The following NOL4 variants were observed in gnomAD, a reference collection of about 807,000 sequenced individuals.
NOL4 encodes the protein cancer/testis antigen 125.
A neutral mutation model predicts 75.9 loss-of-function variants in NOL4; 17 were observed. That is an observed-to-expected ratio of 0.22 (90% CI 0.15 to 0.34). The LOEUF is 0.34. NOL4 is among the 10% of genes least tolerant of loss of function. The pLI is 1.00. For missense variants in NOL4, 614 were observed against 793.5 expected, an observed-to-expected ratio of 0.77 and a Z score of 2.72; for synonymous variants, 292 against 289.9, an observed-to-expected ratio of 1.01 and a Z score of -0.07.
At chr18:34,191,553 A>G (rs1042375214) in intron 1 of NOL4, among the ~76,000 whole-genome samples, 2 of 152,066 alleles carry the variant, frequency 1.3e-5, no homozygotes, top group Non-Finnish European at 2.9e-5. Flanking sequence ...TGATAATTCT[A>G]TCTCTCTGTT....
intron 5 of NOL4, among the ~76,000 whole-genome samples, chr18:34,065,909 T>C (rs1638514356): frequency 6.6e-6 from 1 of 151,964 alleles, no homozygotes; most frequent in South Asian, 2.1e-4. Context: ...TTTTGTCTAT[T>C]ATAAAAAGGA....
chr18:34,134,648 A>T (rs1317605433), intron 1 of NOL4, among the ~76,000 whole-genome samples: 1 of 152,166 alleles, frequency 6.6e-6, no homozygotes, highest in Non-Finnish European at 1.5e-5. Context: ...TTAAAAAAAA[A>T]CTAATAGACA....
intron 1 of NOL4, among the ~76,000 whole-genome samples, chr18:34,195,972 A>C (rs73955474): frequency 6.6e-6 from 1 of 152,276 alleles, no homozygotes; most frequent in African/African-American, 2.4e-5. Context: ...TTAACAATTT[A>C]GATAACTGTA....
chr18:33,932,874 C>T (rs960508459), intron 9 of NOL4, among the ~76,000 whole-genome samples: 1 of 152,058 alleles, frequency 6.6e-6, no homozygotes. Context: ...AAACACTTCA[C>T]ATAGTCCCAC....
chr18:33,909,262 T>A (rs2066247168), intron 9 of NOL4, among the ~76,000 whole-genome samples: 1 of 152,172 alleles, frequency 6.6e-6, no homozygotes, highest in Non-Finnish European at 1.5e-5. Context: ...TTTCCTTCCA[T>A]TTTTATTCTC....
chr18:34,163,102 G>A (rs867535732), intron 1 of NOL4, among the ~76,000 whole-genome samples: 12 of 152,052 alleles, frequency 7.9e-5, no homozygotes, highest in Middle Eastern at 3.2e-3. Flanking sequence ...AAAATAATAA[G>A]AGCTATCTAT....
At chr18:34,019,691 GA>G in intron 5 of NOL4, 90 bp from the exon 6 acceptor site, 1 of 1,156,656 alleles carries the variant, frequency 8.6e-7, no homozygotes, top group Non-Finnish European at 1.2e-6. Flanking sequence ...CCCATTATAT[GA>G]ATGGCATTTT....
At chr18:33,853,774 C>T (rs994435161) in intron 10 of NOL4, among the ~76,000 whole-genome samples, 1 of 152,028 alleles carries the variant, frequency 6.6e-6, no homozygotes, top group African/African-American at 2.4e-5. Flanking sequence ...TTAATGTCAT[C>T]TCTGTATTTA....
rs752487566 is a variant in NOL4, at chr18:34,013,374, TAA to T, written c.1056+5942_1056+5943del. Reference sequence around the variant, plus strand: ...CAGACTTCTCCCTTCTTATGCCACCTAAAGTCATCTTGTAAAACACACGCCAG... The same window carrying T: ...CAGACTTCTCCCTTCTTATGCCACCTAGTCATCTTGTAAAACACACGCCAG... On this transcript the variant is annotated intron_variant, in intron 6 of 10. Transcript: ENST00000261592. Among the ~76,000 whole-genome samples, 13 of 152,050 alleles carry T rather than the reference TAA, an allele frequency of 8.5e-5. No homozygotes were observed. In the East Asian group the frequency reaches 2.5e-3, roughly 30 times the overall value.
In NOL4 at chr18:34,075,806, ACTTT is replaced by A. The variant is rs1184158768; in HGVS notation, c.772+17655_772+17658del. Among the ~76,000 whole-genome samples the A allele has an allele frequency of 3.9e-5, 6 of 152,286 alleles. No individual in the cohort carries two copies. The East Asian group carries it at 1.2e-3, about 29-fold the overall frequency. On this transcript the variant is annotated intron_variant, in intron 5 of 10. Transcript: ENST00000261592. Reference sequence around the variant, plus strand: ...GACGAGTACATTCATATATTCTAGTACTTTCTTTGAGTGCATTTGAATTTTTGTA... The same window carrying A: ...GACGAGTACATTCATATATTCTAGTACTTTGAGTGCATTTGAATTTTTGTA...
intron 1 of NOL4, among the ~76,000 whole-genome samples, chr18:34,137,979 A>C (rs2080969734): frequency 6.6e-6 from 1 of 152,180 alleles, no homozygotes; most frequent in Non-Finnish European, 1.5e-5. Flanking sequence ...ATATCTTTCT[A>C]CCATAAAGAG....
chr18:33,991,420 T>C (rs551664109), intron 6 of NOL4, among the ~76,000 whole-genome samples: 7 of 152,270 alleles, frequency 4.6e-5, no homozygotes, highest in African/African-American at 1.7e-4. Context: ...TTATTTCTAC[T>C]GTTTAACATC....
intron 5 of NOL4, among the ~76,000 whole-genome samples, chr18:34,065,239 C>G (rs1003578064): frequency 6.6e-6 from 1 of 151,770 alleles, no homozygotes; most frequent in Non-Finnish European, 1.5e-5. Context: ...TCAAGGATCC[C>G]CAATCATCTC....
chr18:34,224,857 G>C lies in NOL4; in HGVS notation c.-1604C>G, dbSNP rs1445084954. Reference sequence around the variant, plus strand: ...GTGCGCGCGTCTCCGGGAAGGTCTCGCGGCGGCTGGAGCCGGGACTGACAG... The same window carrying C: ...GTGCGCGCGTCTCCGGGAAGGTCTCCCGGCGGCTGGAGCCGGGACTGACAG... On this transcript the variant is annotated 5_prime_UTR_variant, in exon 1 of 11. Coordinates refer to ENST00000261592, the MANE Select transcript of NOL4 (RefSeq NM_003787.5). 6.5e-6 allele frequency: 1 copy of C among 153,994 alleles called. No homozygotes were observed. Among genetic ancestry groups the C allele is most frequent in the East Asian group, 1.9e-4 (1 of 5,244 alleles). The allele number at this position is 153,994 out of a possible 1,614,324, so 9.5% of individuals were successfully genotyped here.
intron 1 of NOL4, among the ~76,000 whole-genome samples, chr18:34,208,023 TG>T (rs1329299969): frequency 6.6e-6 from 1 of 152,196 alleles, no homozygotes; most frequent in Non-Finnish European, 1.5e-5. Context: ...ACCCTATTCC[TG>T]GTCCTCTGGA....
intron 5 of NOL4, among the ~76,000 whole-genome samples, chr18:34,085,453 C>T (rs1318925710): frequency 1.3e-5 from 2 of 152,124 alleles, no homozygotes; most frequent in Admixed American, 1.3e-4. Context: ...ATCTGACGTC[C>T]TTCACTGATC....
intron 5 of NOL4, among the ~76,000 whole-genome samples, chr18:34,064,329 A>G (rs1433513930): frequency 6.6e-6 from 1 of 152,022 alleles, no homozygotes; most frequent in Non-Finnish European, 1.5e-5. Flanking sequence ...TCAATACCCT[A>G]TGCAAATAAT....
chr18:34,104,288 T>C (rs2079169220), intron 3 of NOL4, 129 bp from the exon 4 acceptor site: 1 of 609,340 alleles, frequency 1.6e-6, no homozygotes, highest in Non-Finnish European at 2.9e-6. Flanking sequence ...GGTAGCATTA[T>C]AGTTGGACGG....
At chr18:33,866,029 G>A (rs1001352296) in intron 10 of NOL4, among the ~76,000 whole-genome samples, 2 of 152,074 alleles carry the variant, frequency 1.3e-5, no homozygotes, top group Non-Finnish European at 2.9e-5. Flanking sequence ...CATTATGCAA[G>A]GGAGAAAAGA....
Sources: allele counts gnomAD v4.1 joint callset (sites outside exome capture counted in the v4.1 genomes callset), GRCh38; gene constraint gnomAD v4.1.1; transcripts MANE v1.5; gene names NCBI Gene and HGNC (gene_info 2026-07-23, HGNC 2026-07-21).